Variants in CCDC136 observed in about 807,000 individuals in gnomAD.
The protein encoded by CCDC136 is coiled-coil domain-containing protein 136.
CCDC136 carries 100 observed loss-of-function variants against 141.2 expected under a neutral mutation model. That is an observed-to-expected ratio of 0.71 (90% CI 0.60 to 0.84). The LOEUF (loss-of-function observed/expected upper bound fraction) is 0.84, where lower values mean the gene tolerates loss of function less well. CCDC136 is among the 40% of genes least tolerant of loss of function. The pLI is 0.00. For missense variants in CCDC136, 1,206 were observed against 1,379.4 expected (o/e 0.87, Z 1.99); for synonymous variants, 474 against 531.9 (o/e 0.89, Z 1.50).
chr7:128,818,191 A>T (rs1806935878), intron 17 of CCDC136: 1 of 290,586 alleles, frequency 3.4e-6, no homozygotes, highest in Admixed American at 5.0e-5. Context: ...ATCCCCGCTC[A>T]TCCTCTGTGT....
chr7:128,814,077 C>A (rs187485807), intron 14 of CCDC136, among the ~76,000 whole-genome samples: 2 of 151,894 alleles, frequency 1.3e-5, no homozygotes, highest in African/African-American at 2.4e-5. Context: ...CCATTTAAAT[C>A]ATTGTTTTGA....
chr7:128,815,741 GT>G lies in CCDC136; in HGVS notation c.3174del (p.Cys1058TrpfsTer5). On this transcript the variant is annotated frameshift_variant, in exon 16 of 18. Transcript: ENST00000297788. LOFTEE classifies it high-confidence loss of function. ...GTGAAAGAGGAAGCAAAGGAGCAGT[GT>G]GGGGATGAGCTAGTTGCTGAGCCAG... ...KQVKEEAKEQ[C>X]GDELVAEPAD... 6.4e-7 allele frequency: 1 copy of G among 1,562,046 alleles called. No individual in the cohort carries two copies. The highest frequency in any genetic ancestry group is 1.4e-5 in the African/African-American group (1 of 73,448).
chr7:128,799,729 G>A (rs2128901636), intron 3 of CCDC136, among the ~76,000 whole-genome samples: 1 of 152,150 alleles, frequency 6.6e-6, no homozygotes, highest in South Asian at 2.1e-4. Context: ...GAAGGGGATG[G>A]GAGAATGTGC....
At chr7:128,810,434 C>A (rs938418506) in intron 12 of CCDC136, 68 bp downstream of exon 12, 3 of 1,165,262 alleles carry the variant, frequency 2.6e-6, no homozygotes, top group African/African-American at 3.0e-5. Flanking sequence ...GAGTGGGCAC[C>A]GCCGAAGGGT....
Position 128,812,070 on chromosome 7 carries a change from G to A in CCDC136, c.2299G>A (p.Asp767Asn). ...TCGCAAGACTTATGATACCACTGTG[G>A]ATGACAATGAGAGCTATTACAAGAG... ...NCRKTYDTTV[D>N]DNESYYKSYT... Residue 767 changes from aspartate (D) to asparagine (N), a missense_variant, in exon 13 of 18, where the codon GAT becomes AAT. Coordinates refer to ENST00000297788, the MANE Select transcript of CCDC136 (RefSeq NM_022742.5). The A allele has an allele frequency of 6.2e-7, 1 of 1,614,032 alleles. No individual in the cohort carries two copies. Among genetic ancestry groups the A allele is most frequent in the African/African-American group, 1.3e-5 (1 of 75,052 alleles).
At chr7:128,816,112 C>T (rs771443835) in intron 16 of CCDC136, among the ~76,000 whole-genome samples, 181 bp downstream of exon 16, 2 of 152,218 alleles carry the variant, frequency 1.3e-5, no homozygotes, top group Non-Finnish European at 2.9e-5. Flanking sequence ...TCTGTCTGCA[C>T]GAAATCATGG....
In CCDC136 at chr7:128,792,531, C is replaced by T. The variant is rs1272868279; in HGVS notation, c.16+104C>T. On this transcript the variant is annotated intron_variant, in intron 1 of 17. Transcript: ENST00000297788. ...GCCTCTGAGCCAGGACACAGCCCTT[C>T]CCTCAGTTCATCTTAGCCCCTCTTC... 2.2e-5 allele frequency: 18 copies of T among 820,726 alleles called. No homozygotes were observed. In the South Asian group the frequency reaches 2.9e-4, roughly 13 times the overall value. 50.8% of individuals were successfully genotyped at this position (820,726 alleles called of 1,614,324 possible).
rs1468184455 is a variant in CCDC136 at position 128,805,637 on chromosome 7, C to T, written c.948+113C>T. On this transcript the variant is annotated intron_variant, in intron 6 of 17. Coordinates refer to ENST00000297788, the MANE Select transcript of CCDC136 (RefSeq NM_022742.5). The surrounding 1 kb of genome is among the most constrained non-coding windows in gnomAD (Gnocchi z 4.6). ...ATCCACTGTGGAGGGAGATAGTACTCTGGGGTCTCACTTGCCTGATGTAAA... is the reference window on the plus strand; with the variant it reads ...ATCCACTGTGGAGGGAGATAGTACTTTGGGGTCTCACTTGCCTGATGTAAA... 9 of 1,527,018 alleles carry T rather than the reference C, an allele frequency of 5.9e-6. No homozygotes were observed. The highest frequency in any genetic ancestry group is 8.0e-6 in the Non-Finnish European group (9 of 1,118,508). The allele number at this position is 1,527,018 out of a possible 1,614,324, so 94.6% of individuals were successfully genotyped here.
At chr7:128,812,652 A>G (rs1040599670) in intron 13 of CCDC136, 56 bp from the exon 14 acceptor site, 2 of 1,340,482 alleles carry the variant, frequency 1.5e-6, no homozygotes, top group Non-Finnish European at 2.1e-6. Context: ...CCAGCAGAGT[A>G]GGGCGGAGCT....
chr7:128,808,471 T>C, intron 10 of CCDC136: 1 of 985,256 alleles, frequency 1.0e-6, no homozygotes, highest in African/African-American at 1.7e-5. Context: ...TTTTCCATAG[T>C]GTATAAAATG....
intron 10 of CCDC136, chr7:128,809,159 A>C (rs1258339712): frequency 5.8e-6 from 2 of 345,546 alleles, no homozygotes; most frequent in Non-Finnish European, 1.0e-5. Flanking sequence ...GAAATGAGAA[A>C]GGGGCATCGA....
chr7:128,794,900 T>A lies in CCDC136; in HGVS notation c.346+132T>A. 1.4e-6 allele frequency: 1 copy of A among 696,784 alleles called. No individual in the cohort carries two copies. Among genetic ancestry groups the A allele is most frequent in the Non-Finnish European group, 2.5e-6 (1 of 398,356 alleles). The allele number at this position is 696,784 out of a possible 1,614,324, so 43.2% of individuals were successfully genotyped here. On this transcript the variant is annotated intron_variant, in intron 3 of 17. Transcript: ENST00000297788. This position sits in a 1 kb window ranked among gnomAD's most constrained non-coding sequence, Gnocchi z 4.3. The stretch of plus-strand genomic sequence containing the variant: ...TCAGTAATTTCACCTCATTTTCCTC[T>A]ACTAGTCTCACCCTTTTCCTCTCCT...
chr7:128,803,934 C>T (rs1422160613), intron 4 of CCDC136, among the ~76,000 whole-genome samples: 1 of 151,684 alleles, frequency 6.6e-6, no homozygotes, highest in African/African-American at 2.4e-5. Context: ...CCTACTTCAA[C>T]CTCCTGAGTA....
At chr7:128,800,912 C>T (rs1364318543) in intron 3 of CCDC136, among the ~76,000 whole-genome samples, 1 of 152,196 alleles carries the variant, frequency 6.6e-6, no homozygotes, top group Non-Finnish European at 1.5e-5. Flanking sequence ...GCATGAAATA[C>T]TTTTTGTTTA....
chr7:128,819,069 T>G (rs1366058345), intron 17 of CCDC136, among the ~76,000 whole-genome samples: 1 of 152,232 alleles, frequency 6.6e-6, no homozygotes, highest in Non-Finnish European at 1.5e-5. Flanking sequence ...TACTCCCTGG[T>G]CCACAACTGC....
At position 128,792,155 on chromosome 7, in the gene CCDC136, C is replaced by CGA. The variant is rs891350889; in HGVS notation, c.-249_-248dup. On this transcript the variant is annotated 5_prime_UTR_variant, in exon 1 of 18. Coordinates refer to ENST00000297788, the MANE Select transcript of CCDC136 (RefSeq NM_022742.5). ...CTGGGAGGCAGGGCTGAGAGGTGGC[C>CGA]GAGAGAGAGGAGTCGCAGAGCCGCC... 9 of 1,435,016 alleles carry CGA rather than the reference C, an allele frequency of 6.3e-6. No individual in the cohort carries two copies. The highest frequency in any genetic ancestry group is 2.6e-4 in the Middle Eastern group (1 of 3,902). 88.9% of individuals were successfully genotyped at this position (1,435,016 alleles called of 1,614,324 possible). A position where few individuals can be genotyped will look rare whatever the true frequency, so the allele number is the denominator to read the frequency against.
Position 128,810,494 on chromosome 7 carries a change from C to G in CCDC136, c.2028+128C>G, listed in dbSNP as rs1374509457. The G allele has an allele frequency of 1.0e-4, 68 of 654,832 alleles. No individual in the cohort carries two copies. The East Asian group carries it at 1.6e-3, about 16-fold the overall frequency. 40.6% of individuals were successfully genotyped at this position (654,832 alleles called of 1,614,324 possible). A position where few individuals can be genotyped will look rare whatever the true frequency, so the allele number is the denominator to read the frequency against. ...CAGGGGTAAGGATAAGGCAAAAGCC[C>G]TGCCTTTCACCAGCTGTGACCACTC... On this transcript the variant is annotated intron_variant, in intron 12 of 17. Transcript: ENST00000297788.
At chr7:128,807,162 CT>C (rs1274190659) in intron 9 of CCDC136, among the ~76,000 whole-genome samples, 197 bp from the exon 10 acceptor site, 1 of 152,094 alleles carries the variant, frequency 6.6e-6, no homozygotes, top group Non-Finnish European at 1.5e-5. Flanking sequence ...ATTTATTTAA[CT>C]GGAAAGGCTG....
rs922620166 is a variant in CCDC136, at chr7:128,821,148, C to A, written c.*6-651C>A. Among the ~76,000 whole-genome samples the A allele has an allele frequency of 6.6e-6, 1 of 152,182 alleles. No individual in the cohort carries two copies. Among genetic ancestry groups the A allele is most frequent in the Non-Finnish European group, 1.5e-5 (1 of 68,024 alleles). ...ATGAATCAGCAGGGTTCCCTAGTGG[C>A]CGGCAGTGTCTGGAAGCCTCAGCAT... On this transcript the variant is annotated intron_variant, in intron 17 of 17. Coordinates refer to ENST00000297788, the MANE Select transcript of CCDC136 (RefSeq NM_022742.5). The surrounding 1 kb of genome is among the most constrained non-coding windows in gnomAD (Gnocchi z 5.1).
Sources: allele counts gnomAD v4.1 joint callset (sites outside exome capture counted in the v4.1 genomes callset), GRCh38; gene constraint gnomAD v4.1.1; non-coding constraint Gnocchi (gnomAD v3.1); transcripts MANE v1.5; gene names NCBI Gene and HGNC (gene_info 2026-07-23, HGNC 2026-07-21).